DAB1: variants seen among roughly 807,000 people sequenced by gnomAD.
The protein encoded by DAB1 is DAB adaptor protein 1.
In DAB1, 15 loss-of-function variants were observed where a neutral mutation model predicts 64.6. The observed-to-expected ratio is 0.23, with a 90% CI of 0.16 to 0.36. The LOEUF (loss-of-function observed/expected upper bound fraction) is 0.36. DAB1 is among the 10% of genes least tolerant of loss of function. The pLI is 1.00. For synonymous variants in DAB1, 235 were observed against 251.9 expected (o/e 0.93, Z 0.64); for missense variants, 596 against 706.7 (o/e 0.84, Z 1.78).
chr1:58,209,713 T>A (rs1298979530), intron 4 of DAB1, among the ~76,000 whole-genome samples: 1 of 152,218 alleles, frequency 6.6e-6, no homozygotes, highest in Non-Finnish European at 1.5e-5. Flanking sequence ...TGTATTTTTC[T>A]AACAAGTTTA....
chr1:57,463,756 T>C (rs1686865556), intron 7 of DAB1, among the ~76,000 whole-genome samples: 1 of 151,910 alleles, frequency 6.6e-6, no homozygotes, highest in East Asian at 1.9e-4. Flanking sequence ...CCCATGCTCT[T>C]CTGCTCATTC....
chr1:58,161,703 A>G (rs1655546829), intron 4 of DAB1, among the ~76,000 whole-genome samples: 1 of 152,190 alleles, frequency 6.6e-6, no homozygotes, highest in African/African-American at 2.4e-5. Context: ...TGCCCATTTC[A>G]CAGAAAAGAA....
At chr1:58,525,085 T>C (rs1646328824) in intron 2 of DAB1, among the ~76,000 whole-genome samples, 1 of 152,218 alleles carries the variant, frequency 6.6e-6, no homozygotes, top group Non-Finnish European at 1.5e-5. Flanking sequence ...CAACTGCAAA[T>C]GGCACCATGT....
chr1:58,239,598 G>A (rs1359058586), intron 4 of DAB1, among the ~76,000 whole-genome samples: 4 of 152,160 alleles, frequency 2.6e-5, no homozygotes, highest in Admixed American at 2.0e-4. Context: ...ACTTCAGCTA[G>A]GAGATGCAAT....
intron 5 of DAB1, among the ~76,000 whole-genome samples, chr1:58,078,568 C>G (rs1243837124): frequency 6.6e-6 from 1 of 151,712 alleles, no homozygotes; most frequent in Non-Finnish European, 1.5e-5. Context: ...TCTGCTCAAA[C>G]AAAACAGAGG....
At chr1:57,877,510 A>T (rs1644066604) in intron 1 of DAB1, among the ~76,000 whole-genome samples, 1 of 148,834 alleles carries the variant, frequency 6.7e-6, no homozygotes, top group African/African-American at 2.5e-5. Flanking sequence ...GTCATTCTTC[A>T]TTCTGCTTCA....
intron 4 of DAB1, among the ~76,000 whole-genome samples, chr1:58,326,249 T>G (rs1387599883): frequency 6.6e-6 from 1 of 152,242 alleles, no homozygotes; most frequent in Non-Finnish European, 1.5e-5. Context: ...TTCAAGATGC[T>G]CTCTTTCAGA....
chr1:57,409,331 A>G (rs1158968490), intron 1 of DAB1, among the ~76,000 whole-genome samples: 1 of 152,178 alleles, frequency 6.6e-6, no homozygotes. Flanking sequence ...AGTTCTTCCT[A>G]TTAAGCTGGT....
intron 1 of DAB1, among the ~76,000 whole-genome samples, chr1:57,322,764 G>A (rs892824338): frequency 6.6e-5 from 10 of 152,294 alleles, no homozygotes; most frequent in African/African-American, 2.4e-4. Context: ...CACACAATAA[G>A]CGTGATGACA....
At chr1:57,567,409 G>A (rs904648626) in intron 7 of DAB1, among the ~76,000 whole-genome samples, 1 of 152,154 alleles carries the variant, frequency 6.6e-6, no homozygotes, top group Non-Finnish European at 1.5e-5. Context: ...TCAACATAGT[G>A]TTGGAAGTTC....
intron 4 of DAB1, among the ~76,000 whole-genome samples, chr1:58,319,835 CTTG>C (rs1662642337): frequency 6.6e-6 from 1 of 152,224 alleles, no homozygotes; most frequent in Non-Finnish European, 1.5e-5. Flanking sequence ...TTTCTCCCAA[CTTG>C]TTGTAACTTT....
At chr1:58,082,983 A>G (rs1050941024) in intron 5 of DAB1, among the ~76,000 whole-genome samples, 1 of 152,188 alleles carries the variant, frequency 6.6e-6, no homozygotes, top group Non-Finnish European at 1.5e-5. Flanking sequence ...GGAGAAAATG[A>G]ATCCACTTCA....
chr1:58,054,164 T>C (rs993327776), intron 5 of DAB1, among the ~76,000 whole-genome samples: 2 of 152,250 alleles, frequency 1.3e-5, no homozygotes, highest in Non-Finnish European at 2.9e-5. Context: ...TCTTAGAGTT[T>C]CCTAGGATGA....
intron 6 of DAB1, among the ~76,000 whole-genome samples, chr1:57,706,822 C>T (rs1351268955): frequency 6.6e-6 from 1 of 152,010 alleles, no homozygotes. Context: ...CCTGTAATCC[C>T]AGCACTTTGG....
rs150670606 is a variant in DAB1 at position 57,539,009 on chromosome 1, C to T, written n.625+110583G>A. ...CAGCCTTAGCATTTCAATTGTGATGCCTTCCTTCCTTTGAGAACCTTGCAC... is the reference window on the plus strand; with the variant it reads ...CAGCCTTAGCATTTCAATTGTGATGTCTTCCTTCCTTTGAGAACCTTGCAC... On this transcript the variant is annotated intron_variant and non_coding_transcript_variant, in intron 7 of 20. Transcript: ENST00000485760. Among the ~76,000 whole-genome samples, 131 of 152,296 alleles carry T rather than the reference C, an allele frequency of 8.6e-4. 1 individual carries two copies. The highest frequency in any genetic ancestry group is 3.1e-3 in the African/African-American group (129 of 41,552).
At chr1:57,767,533 G>C in intron 6 of DAB1, among the ~76,000 whole-genome samples, 1 of 152,030 alleles carries the variant, frequency 6.6e-6, no homozygotes, top group East Asian at 1.9e-4. Context: ...TATCATGATT[G>C]GACAAACCAT....
At position 57,712,414 on chromosome 1, in the gene DAB1, G is replaced by C. The variant is rs542352435; in HGVS notation, n.552-62749C>G. ...TGTATCACAAGGGACAGTTAAAATC[G>C]TTTAGAGATAATTGAATCAAGTTTT... is the stretch of plus-strand genomic sequence containing the variant. On this transcript the variant is annotated intron_variant and non_coding_transcript_variant, in intron 6 of 20. Transcript: ENST00000485760. 5.1e-4 allele frequency among the ~76,000 whole-genome samples: 78 copies of C among 152,266 alleles called. 1 individual carries two copies. The highest frequency in any genetic ancestry group is 1.0e-3 in the Admixed American group (16 of 15,288).
chr1:58,335,297 G>A (rs1024568296), intron 4 of DAB1, among the ~76,000 whole-genome samples: 1 of 152,178 alleles, frequency 6.6e-6, no homozygotes, highest in Non-Finnish European at 1.5e-5. Flanking sequence ...CAGTAAGAGA[G>A]GGAAAAAGAA....
upstream of DAB1, among the ~76,000 whole-genome samples, chr1:57,885,585 G>A (rs776899107): frequency 7.9e-5 from 12 of 152,184 alleles, no homozygotes; most frequent in South Asian, 4.1e-4. Context: ...TATAGTGATT[G>A]ATAAGCAGAA....
Sources: gnomAD v4.1 joint callset for allele counts (sites outside exome capture counted in the v4.1 genomes callset) on GRCh38, gnomAD v4.1.1 for gene constraint, MANE v1.5 for transcripts, NCBI Gene and HGNC (gene_info 2026-07-23, HGNC 2026-07-21) for gene names.